Variants in SGCZ observed in about 807,000 individuals in gnomAD.
The protein encoded by SGCZ is sarcoglycan zeta.
SGCZ carries 40 observed loss-of-function variants against 41.3 expected under a neutral mutation model. The observed-to-expected ratio is 0.97, with a 90% confidence interval of 0.75 to 1.26. The LOEUF (loss-of-function observed/expected upper bound fraction) is 1.26, where lower values mean the gene tolerates loss of function less well. SGCZ is among the 50% of genes most tolerant of loss of function. The pLI is 0.00. For synonymous variants in SGCZ, 206 were observed against 137.5 expected, an observed-to-expected ratio of 1.50 and a Z score of -3.49; for missense variants, 552 against 369.8, an observed-to-expected ratio of 1.49 and a Z score of -4.04.
chr8:14,219,128 G>A (rs1344964000), intron 4 of SGCZ, among the ~76,000 whole-genome samples: 3 of 152,168 alleles, frequency 2.0e-5, no homozygotes, highest in Non-Finnish European at 2.9e-5. Flanking sequence ...TTTCTCAATT[G>A]GATTGTGATG....
intron 1 of SGCZ, among the ~76,000 whole-genome samples, chr8:15,116,863 G>A (rs1563134904): frequency 6.6e-6 from 1 of 152,152 alleles, no homozygotes; most frequent in Non-Finnish European, 1.5e-5. Context: ...GTTCCAACTC[G>A]GTGTTCTAGA....
At chr8:14,971,516 A>C (rs1801296499) in intron 1 of SGCZ, among the ~76,000 whole-genome samples, 1 of 151,998 alleles carries the variant, frequency 6.6e-6, no homozygotes, top group African/African-American at 2.4e-5. Flanking sequence ...TTTCTGAGAC[A>C]GTTTAAGAGC....
At chr8:14,801,723 C>T (rs1801326809) in intron 1 of SGCZ, among the ~76,000 whole-genome samples, 1 of 152,108 alleles carries the variant, frequency 6.6e-6, no homozygotes, top group Admixed American at 6.5e-5. Context: ...GGATCAAGAT[C>T]ATGTGGTCAA....
chr8:14,674,940 T>G (rs1167076276), intron 1 of SGCZ, among the ~76,000 whole-genome samples: 8 of 111,144 alleles, frequency 7.2e-5, no homozygotes, highest in East Asian at 5.3e-4. Flanking sequence ...TTTTTTTTTT[T>G]TTTTTTTTTT....
intron 2 of SGCZ, among the ~76,000 whole-genome samples, chr8:14,327,110 G>C (rs562430250): frequency 6.6e-5 from 10 of 152,182 alleles, no homozygotes; most frequent in African/African-American, 2.4e-4. Context: ...ATGGCAAATG[G>C]TGATAAACTA....
At chr8:14,275,506 T>G (rs1252138063) in intron 3 of SGCZ, among the ~76,000 whole-genome samples, 3 of 152,162 alleles carry the variant, frequency 2.0e-5, no homozygotes, top group Non-Finnish European at 4.4e-5. Flanking sequence ...TTTCTCTGTT[T>G]GATCACTCAG....
chr8:15,220,011 T>C (rs1446751497), intron 1 of SGCZ, among the ~76,000 whole-genome samples: 2 of 152,318 alleles, frequency 1.3e-5, no homozygotes, highest in Admixed American at 1.3e-4. Flanking sequence ...ACACAAATTG[T>C]TCTAACAATG....
At chr8:14,777,941 A>G (rs1800465229) in intron 1 of SGCZ, among the ~76,000 whole-genome samples, 1 of 151,996 alleles carries the variant, frequency 6.6e-6, no homozygotes, top group Admixed American at 6.6e-5. Context: ...TAAAGAAAAA[A>G]ATTGGAGACA....
chr8:15,086,238 C>G (rs1805944694), intron 1 of SGCZ, among the ~76,000 whole-genome samples: 1 of 152,144 alleles, frequency 6.6e-6, no homozygotes, highest in South Asian at 2.1e-4. Context: ...ATATAACAAT[C>G]TCTCCTTATG....
chr8:15,005,690 G>T (rs915004827), intron 1 of SGCZ, among the ~76,000 whole-genome samples: 1 of 151,376 alleles, frequency 6.6e-6, no homozygotes, highest in East Asian at 1.9e-4. Flanking sequence ...CTAGAACGTG[G>T]CTTCATTTTA....
chr8:14,666,531 A>C (rs773342384), intron 1 of SGCZ, among the ~76,000 whole-genome samples: 2 of 152,152 alleles, frequency 1.3e-5, no homozygotes, highest in Non-Finnish European at 2.9e-5. Flanking sequence ...ATAATATCTC[A>C]ATTACATCTT....
At chr8:14,253,878 C>T (rs5005958) in intron 3 of SGCZ, among the ~76,000 whole-genome samples, 101,463 of 151,912 alleles carry the variant, frequency 0.67, 34,268 homozygotes, top group South Asian at 0.78. Context: ...GGAGAAATAA[C>T]CATAGGACTT....
At position 15,139,453 on chromosome 8, in the gene SGCZ, C is replaced by A. The variant is rs552597369; in HGVS notation, c.39+98132G>T. 3.9e-4 allele frequency among the ~76,000 whole-genome samples: 59 copies of A among 152,154 alleles called. 1 individual carries two copies. Among genetic ancestry groups the A allele is most frequent in the African/African-American group, 1.4e-3 (57 of 41,504 alleles). On this transcript the variant is annotated intron_variant, in intron 1 of 7. Coordinates refer to ENST00000382080, the MANE Select transcript of SGCZ (RefSeq NM_139167.4). ...TTCATACTTTTCAGAAGGTCAATTA[C>A]CTATATTAAAAGTATCACTATTACT...
intron 4 of SGCZ, among the ~76,000 whole-genome samples, chr8:14,170,755 C>G (rs1328514660): frequency 2.0e-5 from 3 of 151,888 alleles, no homozygotes; most frequent in African/African-American, 7.3e-5. Flanking sequence ...TTTTTTACAC[C>G]TCATAGTCAT....
chr8:14,111,904 C>A (rs1201777169), intron 5 of SGCZ, among the ~76,000 whole-genome samples: 1 of 152,174 alleles, frequency 6.6e-6, no homozygotes, highest in Non-Finnish European at 1.5e-5. Context: ...TAAAATGCCA[C>A]ACGCTCAAAA....
At chr8:14,493,210 T>C (rs938381554) in intron 2 of SGCZ, among the ~76,000 whole-genome samples, 15 of 151,946 alleles carry the variant, frequency 9.9e-5, no homozygotes, top group African/African-American at 3.6e-4. Context: ...ACAAAATCTG[T>C]TCTTTGTATT....
At chr8:14,161,154 A>G (rs1804032665) in intron 5 of SGCZ, 1 of 152,218 alleles carries the variant, frequency 6.6e-6, no homozygotes, top group Non-Finnish European at 1.5e-5. Flanking sequence ...AAATGATTCA[A>G]GCACTGCTTT....
intron 1 of SGCZ, among the ~76,000 whole-genome samples, chr8:14,973,408 G>C (rs928706072): frequency 6.6e-6 from 1 of 152,054 alleles, no homozygotes; most frequent in African/African-American, 2.4e-5. Context: ...ACATAAGTGG[G>C]CCCATGCTTT....
At chr8:14,987,386 C>G (rs1271683340) in intron 1 of SGCZ, among the ~76,000 whole-genome samples, 2 of 151,838 alleles carry the variant, frequency 1.3e-5, no homozygotes, top group Non-Finnish European at 2.9e-5. Context: ...AATAATAGGC[C>G]TTCTTCTATA....
Sources: gnomAD v4.1 joint callset for allele counts (sites outside exome capture counted in the v4.1 genomes callset) on GRCh38, gnomAD v4.1.1 for gene constraint, MANE v1.5 for transcripts, NCBI Gene and HGNC (gene_info 2026-07-23, HGNC 2026-07-21) for gene names.